Variants in EGF observed in about 807,000 individuals in gnomAD.
EGF encodes the protein epidermal growth factor.
A neutral mutation model predicts 143.8 loss-of-function variants in EGF; 95 were observed. The ratio of observed to expected loss-of-function variants is 0.66; its 90% confidence interval spans 0.56 to 0.78. The LOEUF is 0.78. Among genes scored for constraint, EGF ranks in the 30% least tolerant of loss-of-function variants. The probability of loss-of-function intolerance (pLI) is 0.00; values close to 1 mark genes in which losing one functional copy is unlikely to be tolerated. For missense variants in EGF, 1,320 were observed against 1,470.9 expected (o/e 0.90, Z 1.68); for synonymous variants, 510 against 510.5 (o/e 1.00, Z 0.01).
chr4:109,976,212 G>A lies in EGF; in HGVS notation c.2030G>A (p.Arg677Gln), dbSNP rs777805094. 33 of 1,613,862 alleles carry A rather than the reference G, an allele frequency of 2.0e-5. No homozygotes were observed. Among genetic ancestry groups the A allele is most frequent in the South Asian group, 4.4e-5 (4 of 91,064 alleles). The part of the protein sequence containing the change: ...EMANLDGSKR[R>Q]RLTQNDVGHP... ...GCCAATCTGGATGGTTCAAAACGCC[G>A]AAGACTTACCCAGAATGATGTAGGT... The change falls in exon 13 of 24, where the codon CGA becomes CAA. Residue 677 changes from arginine (R) to glutamine (Q), a missense_variant. By Grantham distance (43) the Arg-to-Gln change is conservative. This residue lies in a region of EGF where 1,186 missense variants were observed against 1,313.7 expected (regional missense o/e 0.90). Transcript: ENST00000265171.
At chr4:109,994,629 A>G (rs2126156870) in intron 19 of EGF, 104 bp from the exon 20 acceptor site, 3 of 1,353,554 alleles carry the variant, frequency 2.2e-6, no homozygotes, top group Middle Eastern at 3.8e-4. Context: ...CTGTCACTAA[A>G]AGATTTATGT....
chr4:109,914,219 TC>T (rs768353698), intron 1 of EGF, among the ~76,000 whole-genome samples: 35 of 152,222 alleles, frequency 2.3e-4, no homozygotes, highest in Non-Finnish European at 4.3e-4. Flanking sequence ...ATTTATTTAA[TC>T]CTTGGGTGAG....
rs1560777016 is a variant in EGF at position 110,008,248 on chromosome 4, G to A, written c.3370+18G>A. The stretch of plus-strand genomic sequence containing the variant: ...AGCAGATGGTCAGTTTTTATCCCTG[G>A]CTCCTGGTGAATGGTTATTTTTACT... On this transcript the variant is annotated intron_variant, in intron 23 of 23. Coordinates refer to ENST00000265171, the MANE Select transcript of EGF (RefSeq NM_001963.6). 9 of 1,613,734 alleles carry A rather than the reference G, an allele frequency of 5.6e-6. No individual in the cohort carries two copies. The Admixed American group carries it at 1.2e-4, about 21-fold the overall frequency.
intron 1 of EGF, among the ~76,000 whole-genome samples, chr4:109,936,187 T>C (rs948463792): frequency 6.6e-6 from 1 of 152,228 alleles, no homozygotes; most frequent in African/African-American, 2.4e-5. Flanking sequence ...GGAATTTTTA[T>C]GGTTGGTAAG....
intron 18 of EGF, chr4:109,992,274 ATC>A (rs1447412560): frequency 6.6e-6 from 1 of 151,732 alleles, no homozygotes; most frequent in East Asian, 2.0e-4. Flanking sequence ...GACCTAGTTC[ATC>A]TCTCCAACAT....
intron 11 of EGF, among the ~76,000 whole-genome samples, chr4:109,974,035 A>G (rs965323417): frequency 1.3e-5 from 2 of 152,236 alleles, no homozygotes; most frequent in African/African-American, 4.8e-5. Flanking sequence ...TAATACAAAT[A>G]AAAACCAATA....
At chr4:109,989,324 C>T (rs1750617187) in intron 18 of EGF, among the ~76,000 whole-genome samples, 1 of 152,146 alleles carries the variant, frequency 6.6e-6, no homozygotes, top group South Asian at 2.1e-4. Context: ...TCATACGTTT[C>T]CAGGTGTCAG....
At chr4:109,966,581 A>C (rs906169959) in intron 10 of EGF, among the ~76,000 whole-genome samples, 1 of 152,140 alleles carries the variant, frequency 6.6e-6, no homozygotes. Context: ...GCTGGATTAA[A>C]AAGTCATTCT....
rs192849223 is a variant in EGF, at chr4:109,956,566, C to A, written c.941-2746C>A. On this transcript the variant is annotated intron_variant, in intron 5 of 23. Transcript: ENST00000265171. ...ATATTTACAAGTTTCTAATTTTAGT[C>A]ATTTACTTTTAAAATTTAGGCCATT... is the stretch of plus-strand genomic sequence containing the variant. Among the ~76,000 whole-genome samples, 92 of 152,174 alleles carry A rather than the reference C, an allele frequency of 6.0e-4. 1 individual carries two copies. The highest frequency in any genetic ancestry group is 1.9e-4 in the East Asian group (1 of 5,186).
In EGF at chr4:109,945,042, T is replaced by C. The variant is rs565605864; in HGVS notation, c.738-31T>C. On this transcript the variant is annotated intron_variant, in intron 4 of 23. Coordinates refer to ENST00000265171, the MANE Select transcript of EGF (RefSeq NM_001963.6). ...ATAAGACAAGGAACAAATGTTCTGT[T>C]GTTCTTTTTTCTTTTGTGGTTGCTT... The C allele has an allele frequency of 1.4e-4, 228 of 1,607,378 alleles. 4 individuals are homozygous for C. The South Asian group carries it at 2.4e-3, about 17-fold the overall frequency.
rs1344112616 is a variant in EGF at position 109,988,499 on chromosome 4, A to G, written c.2609-85A>G. 25 of 1,589,732 alleles carry G rather than the reference A, an allele frequency of 1.6e-5. 1 individual carries two copies. The South Asian group carries it at 1.9e-4, about 12-fold the overall frequency. On this transcript the variant is annotated intron_variant, in intron 17 of 23. Coordinates refer to ENST00000265171, the MANE Select transcript of EGF (RefSeq NM_001963.6). ...GTAAAGGACTGAATAAGAATTGAAT[A>G]TACGATTATGCTTATTCTTTCCAAC...
At chr4:109,976,991 T>A (rs1312736564) in intron 13 of EGF, among the ~76,000 whole-genome samples, 2 of 152,096 alleles carry the variant, frequency 1.3e-5, no homozygotes, top group Non-Finnish European at 2.9e-5. Context: ...AGTATAGGAG[T>A]TCGATTGGAA....
chr4:109,920,830 G>T (rs1737648788), intron 1 of EGF, among the ~76,000 whole-genome samples: 1 of 151,668 alleles, frequency 6.6e-6, no homozygotes, highest in Admixed American at 6.5e-5. Context: ...TGCTAATATT[G>T]TTCACCATGA....
intron 22 of EGF, 146 bp downstream of exon 22, chr4:110,004,768 G>A (rs542659406): frequency 3.3e-4 from 175 of 525,296 alleles, no homozygotes; most frequent in African/African-American, 2.1e-3. Context: ...ACATCAGCTA[G>A]GGAGGTCCTG....
At chr4:109,980,161 C>T (rs200900675) in intron 14 of EGF, 22 bp downstream of exon 14, 1 of 1,574,954 alleles carries the variant, frequency 6.3e-7, no homozygotes, top group Non-Finnish European at 8.6e-7. Flanking sequence ...AGATGTTACA[C>T]AGTCTTTCCT....
intron 16 of EGF, among the ~76,000 whole-genome samples, chr4:109,983,913 A>G (rs572471021): frequency 1.3e-5 from 2 of 152,256 alleles, no homozygotes; most frequent in Non-Finnish European, 2.9e-5. Context: ...AGTTGATAGT[A>G]ATTGATAAAC....
At chr4:109,929,517 C>T (rs1027060523) in intron 1 of EGF, among the ~76,000 whole-genome samples, 1 of 152,124 alleles carries the variant, frequency 6.6e-6, no homozygotes, top group Non-Finnish European at 1.5e-5. Flanking sequence ...GAAAACAAAA[C>T]GAAACAAGTT....
intron 21 of EGF, among the ~76,000 whole-genome samples, chr4:110,001,334 G>A (rs964532796): frequency 3.3e-5 from 5 of 152,180 alleles, no homozygotes; most frequent in Non-Finnish European, 7.3e-5. Context: ...TCCCCCAAAA[G>A]AGTCATATGC....
chr4:109,944,106 C>G, intron 4 of EGF, 37 bp downstream of exon 4: 1 of 1,583,046 alleles, frequency 6.3e-7, no homozygotes, highest in Non-Finnish European at 8.7e-7. Context: ...AAACAATTGT[C>G]ATTTGAAGTC....
Sources: gnomAD v4.1 joint callset for allele counts (sites outside exome capture counted in the v4.1 genomes callset) on GRCh38, gnomAD v4.1.1 for gene constraint, gnomAD v4.1.1 regional missense constraint, MANE v1.5 for transcripts, NCBI Gene and HGNC (gene_info 2026-07-23, HGNC 2026-07-21) for gene names.